The following SPRY3 variants were observed in gnomAD, a reference collection of about 807,000 sequenced individuals.
SPRY3 encodes the protein sprouty RTK signaling antagonist 3.
A neutral mutation model predicts 20.2 loss-of-function variants in SPRY3; 15 were observed. That is an observed-to-expected ratio of 0.74 (90% CI 0.50 to 1.14). The LOEUF (loss-of-function observed/expected upper bound fraction) is 1.14, where lower values mean the gene tolerates loss of function less well. Ranked by LOEUF, SPRY3 falls within the 50% of genes most tolerant of loss-of-function variation. The pLI, the probability that SPRY3 is intolerant of heterozygous loss-of-function variation, is 0.00. For synonymous variants in SPRY3, 143 were observed against 136.5 expected, an observed-to-expected ratio of 1.05 and a Z score of -0.33; for missense variants, 364 against 363.9, an observed-to-expected ratio of 1.00 and a Z score of 0.00.
At chrX:155,736,251 C>T (rs2091168583) in intron 2 of SPRY3, among the ~76,000 whole-genome samples, 1 of 151,610 alleles carries the variant, frequency 6.6e-6, no homozygotes, top group Admixed American at 6.6e-5. Context: ...TTTTATTTTA[C>T]CTTCATTTAT....
chrX:155,668,492 G>T (rs781952514), intron 2 of SPRY3, among the ~76,000 whole-genome samples: 2 of 110,539 alleles, frequency 1.8e-5, no homozygotes, highest in South Asian at 3.8e-4. Context: ...CTATATAGGG[G>T]TTACACAGGC....
chrX:155,655,658 T>G (rs782607366), intron 1 of SPRY3, among the ~76,000 whole-genome samples: 1 of 111,339 alleles, frequency 9.0e-6, no homozygotes, highest in Non-Finnish European at 1.9e-5. Flanking sequence ...ATACGTGGCT[T>G]TATTTCTGGA....
intron 2 of SPRY3, among the ~76,000 whole-genome samples, chrX:155,682,398 T>C (rs930440479): frequency 8.8e-6 from 1 of 113,075 alleles, no homozygotes; most frequent in African/African-American, 3.2e-5. Flanking sequence ...AGAATATTAA[T>C]GTTGTTTTCA....
At chrX:155,708,599 T>A (rs1829611593) in intron 2 of SPRY3, among the ~76,000 whole-genome samples, 2 of 151,382 alleles carry the variant, frequency 1.3e-5, no homozygotes, top group African/African-American at 4.8e-5. Flanking sequence ...TTTCTTCATA[T>A]TTTTTATTTT....
chrX:155,695,954 TA>T (rs1353689639), intron 2 of SPRY3, among the ~76,000 whole-genome samples: 1 of 110,913 alleles, frequency 9.0e-6, no homozygotes, highest in Non-Finnish European at 1.9e-5. Context: ...CTGTGCTGAT[TA>T]TATTTTCTCT....
At chrX:155,763,872 T>C (rs761090051) in intron 2 of SPRY3, among the ~76,000 whole-genome samples, 2 of 152,308 alleles carry the variant, frequency 1.3e-5, no homozygotes, top group Admixed American at 6.5e-5. Flanking sequence ...TCTTTCAATA[T>C]GTTTTTGAGT....
intron 2 of SPRY3, among the ~76,000 whole-genome samples, chrX:155,711,151 G>C (rs1470672391): frequency 1.3e-5 from 2 of 151,752 alleles, no homozygotes; most frequent in Admixed American, 1.3e-4. Context: ...GTCTAGTTTT[G>C]ATATCAGAGT....
At chrX:155,695,791 C>G (rs190996383) in intron 2 of SPRY3, among the ~76,000 whole-genome samples, 4 of 110,914 alleles carry the variant, frequency 3.6e-5, no homozygotes, top group African/African-American at 1.3e-4. Context: ...CATTTTTTAT[C>G]TCCAAAATTT....
In SPRY3 at chrX:155,643,063, G is replaced by A. The variant is rs2067947185; in HGVS notation, c.-440-13804G>A. Among the ~76,000 whole-genome samples the A allele has an allele frequency of 7.2e-5, 8 of 111,746 alleles. No individual in the cohort carries two copies. The Admixed American group carries it at 7.6e-4, about 11-fold the overall frequency. On this transcript the variant is annotated intron_variant, in intron 1 of 3. Coordinates refer to ENST00000675360, the Ensembl canonical transcript of SPRY3. The stretch of plus-strand genomic sequence containing the variant: ...CTGTCTGGGAGATCTGTCCAATGCT[G>A]AAAGTTGTGTGTTGAAGTCTCCAGC...
chrX:155,674,364 T>C (rs1351220651), intron 2 of SPRY3, among the ~76,000 whole-genome samples: 1 of 110,439 alleles, frequency 9.1e-6, no homozygotes, highest in African/African-American at 3.3e-5. Context: ...TCCTCTCTTA[T>C]TGAAGATGAA....
At chrX:155,661,099 G>A (rs915112479) in intron 2 of SPRY3, among the ~76,000 whole-genome samples, 5 of 111,225 alleles carry the variant, frequency 4.5e-5, no homozygotes, top group Non-Finnish European at 7.6e-5. Flanking sequence ...TTTTAGTCTC[G>A]ATTGTGTAAT....
At chrX:155,728,120 G>A (rs28767860) in intron 2 of SPRY3, among the ~76,000 whole-genome samples, 4,495 of 152,264 alleles carry the variant, frequency 0.03, 82 homozygotes, top group Non-Finnish European at 0.042. Context: ...GGTATCACCA[G>A]TGGAGGCTGC....
At chrX:155,728,548 C>T (rs1481283787) in intron 2 of SPRY3, among the ~76,000 whole-genome samples, 2 of 152,192 alleles carry the variant, frequency 1.3e-5, no homozygotes, top group Non-Finnish European at 2.9e-5. Context: ...AGGCTGCAGC[C>T]TTGCAGGTTG....
intron 2 of SPRY3, among the ~76,000 whole-genome samples, chrX:155,660,453 T>C (rs1181438624): frequency 8.9e-6 from 1 of 112,079 alleles, no homozygotes; most frequent in African/African-American, 3.2e-5. Context: ...ATGGTCTATT[T>C]GGGAGAAAGT....
chrX:155,704,591 G>T (rs757230423), intron 2 of SPRY3, among the ~76,000 whole-genome samples: 29 of 151,444 alleles, frequency 1.9e-4, no homozygotes, highest in African/African-American at 7.0e-4. Context: ...GAAAGAATGG[G>T]GCAGAAAAAG....
chrX:155,666,991 A>G (rs782628454), intron 2 of SPRY3, among the ~76,000 whole-genome samples: 1 of 111,198 alleles, frequency 9.0e-6, no homozygotes, highest in South Asian at 3.8e-4. Flanking sequence ...TGTTTTGTAT[A>G]GCATGTGGTG....
chrX:155,642,333 T>C (rs781804890), intron 1 of SPRY3, among the ~76,000 whole-genome samples: 1 of 112,170 alleles, frequency 8.9e-6, no homozygotes, highest in South Asian at 3.7e-4. Context: ...TTGTAATGTC[T>C]CCTTTTTATC....
intron 2 of SPRY3, among the ~76,000 whole-genome samples, chrX:155,738,420 T>C (rs970460226): frequency 2.4e-4 from 37 of 151,796 alleles, no homozygotes; most frequent in Non-Finnish European, 4.1e-4. Flanking sequence ...AGAAAACAAA[T>C]AGGACAGGCC....
chrX:155,742,244 A>C (rs1012288485), intron 2 of SPRY3, among the ~76,000 whole-genome samples: 1 of 151,918 alleles, frequency 6.6e-6, no homozygotes, highest in Non-Finnish European at 1.5e-5. Context: ...CAAAAAAGAC[A>C]AAGGGCATTA....
Sources: gnomAD v4.1 joint callset for allele counts (sites outside exome capture counted in the v4.1 genomes callset) on GRCh38, gnomAD v4.1.1 for gene constraint, MANE v1.5 for transcripts, NCBI Gene and HGNC (gene_info 2026-07-23, HGNC 2026-07-21) for gene names.